Variants in MIGA1 observed in about 807,000 individuals in gnomAD.
The protein encoded by MIGA1 is family with sequence similarity 73, member A.
A neutral mutation model predicts 82.0 loss-of-function variants in MIGA1; 58 were observed. The observed-to-expected ratio is 0.71, with a 90% CI of 0.57 to 0.88. MIGA1 has a LOEUF of 0.88. MIGA1 is among the 40% of genes least tolerant of loss of function. The pLI, the probability that MIGA1 is intolerant of heterozygous loss-of-function variation, is 0.00. For missense variants in MIGA1, 751 were observed against 749.1 expected (o/e 1.00, Z -0.03); for synonymous variants, 249 against 253.6 (o/e 0.98, Z 0.17).
At chr1:77,870,318 C>T (rs1685909088) in intron 14 of MIGA1, among the ~76,000 whole-genome samples, 1 of 119,248 alleles carries the variant, frequency 8.4e-6, no homozygotes, top group Non-Finnish European at 1.9e-5. Flanking sequence ...GGGCTCCTCA[C>T]TTCTCAGACG....
At chr1:77,826,155 A>G (rs909646687) in intron 7 of MIGA1, among the ~76,000 whole-genome samples, 3 of 152,220 alleles carry the variant, frequency 2.0e-5, no homozygotes, top group Non-Finnish European at 2.9e-5. Flanking sequence ...TTGTTTTACA[A>G]TGATATTGTT....
intron 13 of MIGA1, among the ~76,000 whole-genome samples, chr1:77,865,950 G>T (rs886647778): frequency 6.6e-6 from 1 of 152,064 alleles, no homozygotes; most frequent in Non-Finnish European, 1.5e-5. Context: ...GTCTTGCTCT[G>T]TCGCTAGGCT....
intron 7 of MIGA1, among the ~76,000 whole-genome samples, chr1:77,816,528 T>A (rs903842381): frequency 2.0e-5 from 3 of 152,232 alleles, no homozygotes; most frequent in African/African-American, 7.2e-5. Context: ...TGTATTAGAA[T>A]TATGAATTAC....
At chr1:77,872,869 A>T in intron 14 of MIGA1, 135 bp from the exon 15 acceptor site, 1 of 1,037,726 alleles carries the variant, frequency 9.6e-7, no homozygotes, top group Non-Finnish European at 1.5e-6. Flanking sequence ...AGGTGTTGCT[A>T]GACTCTGGTT....
chr1:77,783,398 C>A, intron 2 of MIGA1, 47 bp downstream of exon 2: 2 of 1,105,052 alleles, frequency 1.8e-6, no homozygotes, highest in South Asian at 1.6e-5. Flanking sequence ...GCTTATTGCT[C>A]AGAGCATATT....
At chr1:77,835,633 AT>A (rs1170578491) in intron 7 of MIGA1, among the ~76,000 whole-genome samples, 1 of 152,098 alleles carries the variant, frequency 6.6e-6, no homozygotes, top group Non-Finnish European at 1.5e-5. Flanking sequence ...AGTTTAGTTA[AT>A]TTAGGGCTGG....
Position 77,875,322 on chromosome 1 carries a change from A to G in MIGA1, c.*258A>G, listed in dbSNP as rs183537904. ...CATGAAATGTATATTTTACAGAAAT[A>G]TCGCTTGAATTGAAGCCAATATTTG... On this transcript the variant is annotated 3_prime_UTR_variant, in exon 16 of 16. Coordinates refer to ENST00000370791, the MANE Select transcript of MIGA1 (RefSeq NM_198549.4). The G allele has an allele frequency of 4.5e-4, 160 of 352,130 alleles. No homozygotes were observed. Among genetic ancestry groups the G allele is most frequent in the Non-Finnish European group, 4.7e-4 (92 of 193,754 alleles). The allele number at this position is 352,130 out of a possible 1,614,324, so 21.8% of individuals were successfully genotyped here.
chr1:77,848,860 G>C, intron 8 of MIGA1: 1 of 987,376 alleles, frequency 1.0e-6, no homozygotes, highest in East Asian at 2.9e-5. Context: ...CCTGGAACCT[G>C]CTGCATAAAA....
In MIGA1 at chr1:77,877,711, A is replaced by G. The variant is rs544924790; in HGVS notation, c.*2647A>G. The G allele has an allele frequency of 2.0e-5, 3 of 152,806 alleles. No homozygotes were observed. Among genetic ancestry groups the G allele is most frequent in the South Asian group, 2.1e-4 (1 of 4,830 alleles). The allele number at this position is 152,806 out of a possible 1,614,324, so 9.5% of individuals were successfully genotyped here. A position where few individuals can be genotyped will look rare whatever the true frequency, so the allele number is the denominator to read the frequency against. ...TTTAGAAAGATATTATTTGAAATCA[A>G]TTTTGAAGAATTGCACTATTTGATA... On this transcript the variant is annotated 3_prime_UTR_variant, in exon 16 of 16. Transcript: ENST00000370791.
At chr1:77,806,423 C>G (rs530339959) in intron 4 of MIGA1, among the ~76,000 whole-genome samples, 1 of 152,186 alleles carries the variant, frequency 6.6e-6, no homozygotes, top group East Asian at 1.9e-4. Context: ...ACCTAAAAGG[C>G]AAATGAAAAT....
intron 7 of MIGA1, among the ~76,000 whole-genome samples, chr1:77,816,726 A>G (rs1321990821): frequency 6.6e-6 from 1 of 152,250 alleles, no homozygotes; most frequent in Non-Finnish European, 1.5e-5. Context: ...ATTCGTATCA[A>G]CAAATATAAT....
rs750918720 is a variant in MIGA1 at position 77,859,004 on chromosome 1, G to A, written c.1063G>A (p.Glu355Lys). ...GTCCCTTTGTCACTGCCCATTTTAC[G>A]AGGAAGCCATGCATTTAGTTGAAGA... The change falls in exon 9 of 16, where the codon GAG becomes AAG. Residue 355 changes from glutamate (E) to lysine (K), a missense_variant. Coordinates refer to ENST00000370791, the MANE Select transcript of MIGA1 (RefSeq NM_198549.4). 3 of 1,613,928 alleles carry A rather than the reference G, an allele frequency of 1.9e-6. No homozygotes were observed. Among genetic ancestry groups the A allele is most frequent in the Non-Finnish European group, 2.5e-6 (3 of 1,179,872 alleles).
intron 2 of MIGA1, among the ~76,000 whole-genome samples, chr1:77,789,791 T>C (rs149674153): frequency 6.6e-6 from 1 of 151,900 alleles, no homozygotes; most frequent in East Asian, 1.9e-4. Flanking sequence ...TATCTTGTAC[T>C]TTTCCTGCTC....
chr1:77,782,036 C>T (rs1272910457), intron 1 of MIGA1, among the ~76,000 whole-genome samples: 1 of 151,574 alleles, frequency 6.6e-6, no homozygotes, highest in Non-Finnish European at 1.5e-5. Context: ...GTTTCCCAGG[C>T]TGGTCTCGAA....
chr1:77,830,488 G>A lies in MIGA1; in HGVS notation c.896-12819G>A, dbSNP rs1301851754. On this transcript the variant is annotated intron_variant, in intron 7 of 15. Coordinates refer to ENST00000370791, the MANE Select transcript of MIGA1 (RefSeq NM_198549.4). The stretch of plus-strand genomic sequence containing the variant: ...CCAGTAATTTGACATAGGTTCTTTT[G>A]GAGTTTTTATTTAGACCACATATTA... Among the ~76,000 whole-genome samples, 7 of 152,156 alleles carry A rather than the reference G, an allele frequency of 4.6e-5. No homozygotes were observed. The South Asian group carries it at 8.3e-4, about 18-fold the overall frequency.
chr1:77,859,216 T>C, intron 9 of MIGA1, 98 bp from the exon 10 acceptor site: 1 of 1,078,032 alleles, frequency 9.3e-7, no homozygotes, highest in Non-Finnish European at 1.4e-6. Flanking sequence ...ACATGTTTTA[T>C]ATTAAGGTCC....
At chr1:77,823,567 G>A (rs966701049) in intron 7 of MIGA1, among the ~76,000 whole-genome samples, 1 of 152,024 alleles carries the variant, frequency 6.6e-6, no homozygotes, top group Admixed American at 6.6e-5. Context: ...TTTTGTTTTG[G>A]GTTTTTTGGT....
chr1:77,823,432 A>G lies in MIGA1; in HGVS notation c.895+8201A>G, dbSNP rs1015982008. Among the ~76,000 whole-genome samples the G allele has an allele frequency of 3.9e-5, 6 of 152,266 alleles. No homozygotes were observed. The East Asian group carries it at 5.8e-4, about 15-fold the overall frequency. On this transcript the variant is annotated intron_variant, in intron 7 of 15. Coordinates refer to ENST00000370791, the MANE Select transcript of MIGA1 (RefSeq NM_198549.4). Reference sequence around the variant, plus strand: ...GAGAATTTTGTGGTATGTAAATTATACTTCAATAAAGGAGTTAAAAATACA... The same window carrying G: ...GAGAATTTTGTGGTATGTAAATTATGCTTCAATAAAGGAGTTAAAAATACA...
chr1:77,809,336 AC>A (rs1683226545), intron 5 of MIGA1, among the ~76,000 whole-genome samples: 1 of 152,196 alleles, frequency 6.6e-6, no homozygotes, highest in Admixed American at 6.5e-5. Context: ...ACTTGCTGTT[AC>A]AAAACTGATG....
Sources: gnomAD v4.1 joint callset for allele counts (sites outside exome capture counted in the v4.1 genomes callset) on GRCh38, gnomAD v4.1.1 for gene constraint, MANE v1.5 for transcripts, NCBI Gene and HGNC (gene_info 2026-07-23, HGNC 2026-07-21) for gene names.